The following PTPRT variants were observed in gnomAD, a reference collection of about 807,000 sequenced individuals.
PTPRT encodes protein tyrosine phosphatase receptor type T, also known as receptor-type tyrosine-protein phosphatase T.
A neutral mutation model predicts 176.8 loss-of-function variants in PTPRT; 56 were observed. The observed-to-expected ratio is 0.32, with a 90% CI of 0.26 to 0.40. PTPRT has a LOEUF of 0.40. Ranked by LOEUF, PTPRT falls within the 10% of genes least tolerant of loss-of-function variation. The pLI, the probability that PTPRT is intolerant of heterozygous loss-of-function variation, is 1.00. For missense variants in PTPRT, 1,540 were observed against 1,908.2 expected (o/e 0.81, Z 3.60); for synonymous variants, 783 against 739.0 (o/e 1.06, Z -0.96).
chr20:42,425,256 A>C (rs1186768082), intron 9 of PTPRT, among the ~76,000 whole-genome samples: 4 of 152,200 alleles, frequency 2.6e-5, no homozygotes, highest in African/African-American at 9.6e-5. Context: ...CAGTCATTGC[A>C]ATGACAAAAA....
intron 12 of PTPRT, among the ~76,000 whole-genome samples, chr20:42,308,982 G>A (rs2057586818): frequency 6.6e-6 from 1 of 152,186 alleles, no homozygotes. Context: ...AGAGGCAATT[G>A]AGTTCAAGAA....
At chr20:42,886,070 T>A (rs1600519724) in intron 1 of PTPRT, 138 bp from the exon 2 acceptor site, 13 of 384,730 alleles carry the variant, frequency 3.4e-5, no homozygotes, top group Non-Finnish European at 4.9e-5. Flanking sequence ...TATATATATA[T>A]AAAAGATGAG....
intron 1 of PTPRT, among the ~76,000 whole-genome samples, chr20:43,095,586 C>T (rs1312999414): frequency 4.0e-5 from 6 of 151,488 alleles, no homozygotes; most frequent in Non-Finnish European, 5.9e-5. Flanking sequence ...CTTCCTTGCC[C>T]TCTCCTCTCT....
At chr20:42,988,504 G>C (rs1051037633) in intron 1 of PTPRT, among the ~76,000 whole-genome samples, 6 of 152,098 alleles carry the variant, frequency 3.9e-5, no homozygotes, top group Admixed American at 3.3e-4. Context: ...TCTAGTCCAG[G>C]CTTCCCATCC....
chr20:42,355,974 T>C (rs368311466), intron 9 of PTPRT, among the ~76,000 whole-genome samples: 1 of 152,202 alleles, frequency 6.6e-6, no homozygotes, highest in African/African-American at 2.4e-5. Flanking sequence ...AATGAAACAC[T>C]ATGAATAAAT....
chr20:42,181,642 G>A (rs1048913779), intron 16 of PTPRT, among the ~76,000 whole-genome samples: 1 of 152,120 alleles, frequency 6.6e-6, no homozygotes, highest in African/African-American at 2.4e-5. Flanking sequence ...TAGTGAAAGT[G>A]AACCATTGTG....
intron 1 of PTPRT, among the ~76,000 whole-genome samples, chr20:42,887,692 C>T (rs2079124785): frequency 6.6e-6 from 1 of 152,150 alleles, no homozygotes; most frequent in South Asian, 2.1e-4. Context: ...GAATACAGTC[C>T]AAACACCATG....
At chr20:42,405,825 C>T (rs982387708) in intron 9 of PTPRT, among the ~76,000 whole-genome samples, 4 of 152,122 alleles carry the variant, frequency 2.6e-5, no homozygotes, top group Non-Finnish European at 4.4e-5. Context: ...TAAAAGTGTT[C>T]CTATTTCTCC....
At chr20:42,866,380 C>T (rs2078747072) in intron 2 of PTPRT, among the ~76,000 whole-genome samples, 2 of 152,272 alleles carry the variant, frequency 1.3e-5, no homozygotes, top group African/African-American at 4.8e-5. Context: ...GACTCCACAC[C>T]CAAATCCAGT....
chr20:42,610,359 T>C (rs1476332127), intron 7 of PTPRT, among the ~76,000 whole-genome samples: 1 of 150,926 alleles, frequency 6.6e-6, no homozygotes, highest in Admixed American at 6.6e-5. Context: ...AATATGTAGA[T>C]CTGCGGGTTT....
intron 27 of PTPRT, among the ~76,000 whole-genome samples, chr20:42,097,785 T>C (rs6016684): frequency 0.023 from 3,441 of 152,342 alleles, 131 homozygotes; most frequent in African/African-American, 0.078. Flanking sequence ...TCTCAGCTCT[T>C]CCACCCCAGA....
chr20:42,158,260 C>A (rs1277153252), intron 17 of PTPRT, among the ~76,000 whole-genome samples: 1 of 152,102 alleles, frequency 6.6e-6, no homozygotes, highest in Non-Finnish European at 1.5e-5. Flanking sequence ...TTCTAGAATA[C>A]AAGCTTCAGA....
chr20:43,108,631 G>T (rs2012719513), intron 1 of PTPRT, among the ~76,000 whole-genome samples: 1 of 152,046 alleles, frequency 6.6e-6, no homozygotes, highest in East Asian at 1.9e-4. Flanking sequence ...AATCAGAGTT[G>T]CCCTTATTTT....
intron 1 of PTPRT, among the ~76,000 whole-genome samples, chr20:43,142,680 C>T (rs1342493317): frequency 1.3e-5 from 2 of 152,238 alleles, no homozygotes; most frequent in African/African-American, 2.4e-5. Context: ...AACCCACCTA[C>T]ATTAAATAAT....
chr20:42,979,003 C>A (rs1290203570), intron 1 of PTPRT, among the ~76,000 whole-genome samples: 2 of 152,182 alleles, frequency 1.3e-5, no homozygotes, highest in Non-Finnish European at 2.9e-5. Flanking sequence ...ACCCTGAATT[C>A]TTTCTTGCAC....
chr20:42,192,335 A>G (rs1991035086), intron 16 of PTPRT, among the ~76,000 whole-genome samples: 1 of 152,156 alleles, frequency 6.6e-6, no homozygotes, highest in African/African-American at 2.4e-5. Context: ...TTTAAAAGCC[A>G]TGATCCGTCT....
intron 1 of PTPRT, among the ~76,000 whole-genome samples, chr20:43,091,120 C>T (rs937111646): frequency 1.3e-5 from 2 of 152,146 alleles, no homozygotes; most frequent in South Asian, 4.2e-4. Context: ...GTAGTCCCAG[C>T]TACTGGGGAG....
chr20:42,976,787 A>G (rs1412583007), intron 1 of PTPRT, among the ~76,000 whole-genome samples: 2 of 152,294 alleles, frequency 1.3e-5, no homozygotes, highest in African/African-American at 4.8e-5. Context: ...GGCTCTTGAT[A>G]TTTCTTTTCA....
chr20:43,027,835 C>T lies in PTPRT; in HGVS notation c.89-141903G>A, dbSNP rs145151532. On this transcript the variant is annotated intron_variant, in intron 1 of 30. Transcript: ENST00000373187. Reference sequence around the variant, plus strand: ...CACAGCACCGACAGCATTGAAGTTGCCAATTTCTGGTCAAGAGATGAGTGA... The same window carrying T: ...CACAGCACCGACAGCATTGAAGTTGTCAATTTCTGGTCAAGAGATGAGTGA... Among the ~76,000 whole-genome samples, 35 of 152,258 alleles carry T rather than the reference C, an allele frequency of 2.3e-4. No individual in the cohort carries two copies. In the East Asian group the frequency reaches 2.7e-3, roughly 12 times the overall value.
Sources: gnomAD v4.1 joint callset for allele counts (sites outside exome capture counted in the v4.1 genomes callset) on GRCh38, gnomAD v4.1.1 for gene constraint, MANE v1.5 for transcripts, NCBI Gene and HGNC (gene_info 2026-07-23, HGNC 2026-07-21) for gene names.